CADPS: variants seen among roughly 807,000 people sequenced by gnomAD.
CADPS encodes the protein calcium-dependent secretion activator 1.
CADPS carries 57 observed loss-of-function variants against 167.3 expected under a neutral mutation model. The observed-to-expected ratio is 0.34, with a 90% CI of 0.28 to 0.42. The LOEUF is 0.42. Among genes scored for constraint, CADPS ranks in the 20% least tolerant of loss-of-function variants. CADPS has a pLI of 1.00. For missense variants in CADPS, 1,414 were observed against 1,738.1 expected, an observed-to-expected ratio of 0.81 and a Z score of 3.32; for synonymous variants, 676 against 635.3, an observed-to-expected ratio of 1.06 and a Z score of -0.96.
intron 1 of CADPS, chr3:62,779,153 C>G: frequency 5.4e-6 from 1 of 186,136 alleles, no homozygotes; most frequent in Middle Eastern, 5.2e-4. Context: ...CCCCAAAGTG[C>G]TGGGATTATA....
Position 62,578,074 on chromosome 3 carries a change from T to A in CADPS, c.1577+7111A>T, listed in dbSNP as rs147896856. On this transcript the variant is annotated intron_variant, in intron 8 of 29. Transcript: ENST00000383710. ...AACTAAAAGGCAAGGATCTTCAAAT[T>A]TGAGTTAAAAAGTTAGACCTCACTC... is the stretch of plus-strand genomic sequence containing the variant. 3.9e-3 allele frequency among the ~76,000 whole-genome samples: 599 copies of A among 152,130 alleles called. 6 individuals carry two copies. The highest frequency in any genetic ancestry group is 0.013 in the African/African-American group (555 of 41,518).
At chr3:62,596,309 C>T (rs1362902673) in intron 6 of CADPS, among the ~76,000 whole-genome samples, 1 of 151,736 alleles carries the variant, frequency 6.6e-6, no homozygotes, top group African/African-American at 2.4e-5. Flanking sequence ...GATTCTCCTG[C>T]CTCAGCCTCC....
intron 1 of CADPS, among the ~76,000 whole-genome samples, chr3:62,803,535 C>A (rs2093908435): frequency 6.6e-6 from 1 of 151,916 alleles, no homozygotes; most frequent in South Asian, 2.1e-4. Context: ...ATGGCCCTTG[C>A]CCCACGTGTC....
chr3:62,499,852 G>A (rs957499260), intron 17 of CADPS: 4 of 152,458 alleles, frequency 2.6e-5, no homozygotes, highest in African/African-American at 9.6e-5. Flanking sequence ...AAGGGTGTTA[G>A]GAGTAGATTA....
intron 3 of CADPS, among the ~76,000 whole-genome samples, chr3:62,675,792 C>G (rs1045471523): frequency 6.6e-6 from 1 of 152,070 alleles, no homozygotes. Context: ...ATCCAGACAC[C>G]AGGCTAATCC....
chr3:62,426,652 G>A (rs569919480), intron 28 of CADPS, among the ~76,000 whole-genome samples: 17 of 152,336 alleles, frequency 1.1e-4, no homozygotes, highest in Non-Finnish European at 8.8e-5. Context: ...AGAGGGTAAA[G>A]TAGCTTACCC....
At chr3:62,735,307 G>A (rs539685) in intron 3 of CADPS, among the ~76,000 whole-genome samples, 48,807 of 151,906 alleles carry the variant, frequency 0.32, 8,534 homozygotes, top group African/African-American at 0.46. Flanking sequence ...TCTGTTAAGT[G>A]TATGTATTTC....
intron 6 of CADPS, among the ~76,000 whole-genome samples, chr3:62,615,014 T>C (rs948531386): frequency 1.3e-5 from 2 of 152,142 alleles, no homozygotes; most frequent in Non-Finnish European, 2.9e-5. Context: ...GTTAGCAATA[T>C]GTGATTTAGG....
rs2083403180 is a variant in CADPS, at chr3:62,874,944, G to C, written c.86C>G (p.Ser29Cys). Residue 29 changes from serine to cysteine, a missense_variant, in exon 1 of 30, where the codon TCC becomes TGC. Physicochemically the swap from Ser to Cys is moderately radical, Grantham distance 112. Coordinates refer to ENST00000383710, the MANE Select transcript of CADPS (RefSeq NM_003716.4). This position sits in a 1 kb window ranked among gnomAD's most constrained non-coding sequence, Gnocchi z 7.1. ...ACGGCTGGGAGACAGGCGCGCGCCG[G>C]ACGGGGCCGAGCCGAGCACCTCCTT... is the stretch of plus-strand genomic sequence containing the variant. Reference protein sequence around the residue: ...SGKEVLGSAPSGARLSPSRTS... With the variant: ...SGKEVLGSAPCGARLSPSRTS... 2 of 1,542,348 alleles carry C rather than the reference G, an allele frequency of 1.3e-6. No individual in the cohort carries two copies. Among genetic ancestry groups the C allele is most frequent in the African/African-American group, 1.4e-5 (1 of 69,824 alleles).
At chr3:62,844,241 T>C (rs2077056484) in intron 1 of CADPS, among the ~76,000 whole-genome samples, 1 of 152,134 alleles carries the variant, frequency 6.6e-6, no homozygotes, top group South Asian at 2.1e-4. Flanking sequence ...GTTCATTTAG[T>C]TTACAACATC....
At position 62,645,762 on chromosome 3, in the gene CADPS, C is replaced by T. The variant is rs2068414658; in HGVS notation, c.1285G>A (p.Glu429Lys). Reference protein sequence around the residue: ...VYCTMEVEGGEKLQTDQAEAS... With the variant: ...VYCTMEVEGGKKLQTDQAEAS... ...TCGGCCTGATCAGTCTGTAGTTTCT[C>T]TCCTCCTTCCACCTCCATTGTGCAA... Residue 429 changes from glutamate to lysine, a missense_variant, in exon 6 of 30, where the codon GAG (glutamate) becomes AAG (lysine). Physicochemically the swap from Glu to Lys is moderately conservative, Grantham distance 56. Coordinates refer to ENST00000383710, the MANE Select transcript of CADPS (RefSeq NM_003716.4). 2 of 1,613,994 alleles carry T rather than the reference C, an allele frequency of 1.2e-6. No individual in the cohort carries two copies. The highest frequency in any genetic ancestry group is 1.3e-5 in the African/African-American group (1 of 74,928).
chr3:62,511,734 A>C (rs1245552949), intron 17 of CADPS, among the ~76,000 whole-genome samples: 1 of 151,756 alleles, frequency 6.6e-6, no homozygotes, highest in Non-Finnish European at 1.5e-5. Context: ...TTTACACATA[A>C]CTCTACCAAT....
Position 62,499,279 on chromosome 3 carries a change from A to G in CADPS, c.2600-11T>C. The G allele has an allele frequency of 1.9e-6, 3 of 1,579,362 alleles. No individual in the cohort carries two copies. The highest frequency in any genetic ancestry group is 2.6e-6 in the Non-Finnish European group (3 of 1,148,440). ...ACCGGCCTACATTTTCTGTAGTACA[A>G]GAGTTTGTGTTAAAATTCAGCGAAA... On this transcript the variant is annotated splice_polypyrimidine_tract_variant and intron_variant, in intron 17 of 29. Transcript: ENST00000383710.
chr3:62,443,192 T>C (rs150511848), intron 27 of CADPS, among the ~76,000 whole-genome samples: 98 of 152,346 alleles, frequency 6.4e-4, no homozygotes, highest in African/African-American at 2.2e-3. Flanking sequence ...TCTCAGCTCT[T>C]CTACTAACCC....
chr3:62,726,552 A>C (rs537308939), intron 3 of CADPS, among the ~76,000 whole-genome samples: 11 of 151,984 alleles, frequency 7.2e-5, no homozygotes, highest in Non-Finnish European at 1.3e-4. Context: ...TAGAGGAGAC[A>C]TGGAATTATC....
intron 1 of CADPS, among the ~76,000 whole-genome samples, chr3:62,781,662 A>G (rs1460128769): frequency 6.6e-6 from 1 of 152,100 alleles, no homozygotes; most frequent in Non-Finnish European, 1.5e-5. Context: ...TGGGAGCGAG[A>G]ACACACCCAC....
chr3:62,862,186 C>T (rs1310193461), intron 1 of CADPS, among the ~76,000 whole-genome samples: 2 of 149,920 alleles, frequency 1.3e-5, no homozygotes, highest in African/African-American at 2.4e-5. Context: ...ATTTAGTCCT[C>T]ATAAAAATAT....
chr3:62,585,134 G>A, intron 8 of CADPS, 51 bp downstream of exon 8: 2 of 1,555,242 alleles, frequency 1.3e-6, no homozygotes, highest in Non-Finnish European at 1.8e-6. Flanking sequence ...TTCATTTTGA[G>A]AAATGAACAG....
At chr3:62,633,009 G>T (rs754942191) in intron 6 of CADPS, among the ~76,000 whole-genome samples, 3 of 152,046 alleles carry the variant, frequency 2.0e-5, no homozygotes, top group African/African-American at 7.2e-5. Context: ...GTCATTCACC[G>T]AGACGCTAGC....
Sources: allele counts gnomAD v4.1 joint callset (sites outside exome capture counted in the v4.1 genomes callset), GRCh38; gene constraint gnomAD v4.1.1; non-coding constraint Gnocchi (gnomAD v3.1); transcripts MANE v1.5; gene names NCBI Gene and HGNC (gene_info 2026-07-23, HGNC 2026-07-21).